SHROOM3: variants seen among roughly 807,000 people sequenced by gnomAD.
SHROOM3 encodes the protein protein Shroom3.
A neutral mutation model predicts 138.6 loss-of-function variants in SHROOM3; 47 were observed. The observed-to-expected ratio is 0.34, with a 90% CI of 0.27 to 0.43. The LOEUF (loss-of-function observed/expected upper bound fraction) is 0.43. SHROOM3 is among the 20% of genes least tolerant of loss of function. The probability of loss-of-function intolerance (pLI) is 1.00; values close to 1 mark genes in which losing one functional copy is unlikely to be tolerated. For missense variants in SHROOM3, 2,491 were observed against 2,596.5 expected (o/e 0.96, Z 0.88); for synonymous variants, 1,062 against 1,063.3 (o/e 1.00, Z 0.02).
chr4:76,579,000 AC>A (rs1733990193), intron 2 of SHROOM3, among the ~76,000 whole-genome samples: 1 of 152,120 alleles, frequency 6.6e-6, no homozygotes, highest in Non-Finnish European at 1.5e-5. Context: ...CCCTGACTTT[AC>A]AAAAAATTTT....
At chr4:76,519,539 C>T (rs1245285071) in intron 1 of SHROOM3, among the ~76,000 whole-genome samples, 1 of 152,162 alleles carries the variant, frequency 6.6e-6, no homozygotes, top group Non-Finnish European at 1.5e-5. Flanking sequence ...CAGTTGGTCT[C>T]ATTTCCCCCC....
chr4:76,759,720 G>T, intron 9 of SHROOM3, 25 bp downstream of exon 9: 1 of 1,608,224 alleles, frequency 6.2e-7, no homozygotes, highest in Non-Finnish European at 8.5e-7. Context: ...GGATGCCCTT[G>T]TTCAGCTTTC....
chr4:76,781,916 T>C lies in SHROOM3; in HGVS notation c.*2739T>C, dbSNP rs1255242094. On this transcript the variant is annotated 3_prime_UTR_variant, in exon 11 of 11. Coordinates refer to ENST00000296043, the MANE Select transcript of SHROOM3 (RefSeq NM_020859.4). ...GAGAATGTTTGCTCACAGTCAATAA[T>C]TGTCTTTGTGGATGTGATAATTTTG... 1 of 152,188 alleles carries C rather than the reference T, an allele frequency of 6.6e-6. No individual in the cohort carries two copies. Among genetic ancestry groups the C allele is most frequent in the East Asian group, 1.9e-4 (1 of 5,196 alleles). The allele number at this position is 152,188 out of a possible 1,614,324, so 9.4% of individuals were successfully genotyped here.
chr4:76,524,521 G>A (rs992327247), intron 1 of SHROOM3, among the ~76,000 whole-genome samples: 7 of 152,322 alleles, frequency 4.6e-5, no homozygotes, highest in Middle Eastern at 6.8e-3. Context: ...GTCTTGGTTC[G>A]AATGTTATCG....
At chr4:76,757,713 C>T (rs1379334493) in intron 8 of SHROOM3, among the ~76,000 whole-genome samples, 1 of 152,198 alleles carries the variant, frequency 6.6e-6, no homozygotes, top group Non-Finnish European at 1.5e-5. Flanking sequence ...GCTCCTTGAG[C>T]CAGCCATGTA....
At chr4:76,479,096 C>T (rs183666696) in intron 1 of SHROOM3, among the ~76,000 whole-genome samples, 13 of 152,130 alleles carry the variant, frequency 8.5e-5, no homozygotes, top group African/African-American at 2.6e-4. Context: ...CACAACTCCT[C>T]GCCAACAAGG....
At chr4:76,458,205 G>A (rs1219092455) in intron 1 of SHROOM3, among the ~76,000 whole-genome samples, 1 of 152,170 alleles carries the variant, frequency 6.6e-6, no homozygotes, top group Non-Finnish European at 1.5e-5. Context: ...ATATATTTTT[G>A]AGTAAGAGAA....
intron 1 of SHROOM3, among the ~76,000 whole-genome samples, chr4:76,483,566 A>G (rs1186976915): frequency 6.6e-6 from 1 of 152,242 alleles, no homozygotes; most frequent in Non-Finnish European, 1.5e-5. Context: ...AAATTAGTTC[A>G]ACCATTTTAG....
At chr4:76,492,260 A>G (rs993473961) in intron 1 of SHROOM3, among the ~76,000 whole-genome samples, 4 of 152,196 alleles carry the variant, frequency 2.6e-5, no homozygotes, top group Non-Finnish European at 5.9e-5. Flanking sequence ...GCTGCCAGGA[A>G]GGCATGTTTA....
At chr4:76,632,903 A>G (rs756449588) in intron 2 of SHROOM3, among the ~76,000 whole-genome samples, 1 of 152,162 alleles carries the variant, frequency 6.6e-6, no homozygotes, top group Non-Finnish European at 1.5e-5. Context: ...TACCCCTCAA[A>G]TAGAACAAAA....
intron 9 of SHROOM3, among the ~76,000 whole-genome samples, chr4:76,763,243 C>G (rs1012330809): frequency 6.6e-6 from 1 of 151,946 alleles, no homozygotes; most frequent in African/African-American, 2.4e-5. Context: ...AAAAATTAGC[C>G]AGGTGTGTTG....
intron 2 of SHROOM3, among the ~76,000 whole-genome samples, chr4:76,614,914 G>C (rs1188478144): frequency 6.6e-6 from 1 of 152,210 alleles, no homozygotes; most frequent in East Asian, 1.9e-4. Context: ...ATGGGACTAT[G>C]AATGAGTCCA....
intron 2 of SHROOM3, among the ~76,000 whole-genome samples, chr4:76,704,015 A>G (rs957724493): frequency 6.6e-6 from 1 of 152,204 alleles, no homozygotes; most frequent in East Asian, 1.9e-4. Context: ...CGCTAATGAG[A>G]TGGATCAAAA....
At chr4:76,498,868 A>G (rs1262862602) in intron 1 of SHROOM3, among the ~76,000 whole-genome samples, 1 of 152,158 alleles carries the variant, frequency 6.6e-6, no homozygotes, top group African/African-American at 2.4e-5. Flanking sequence ...GAAATTAAAG[A>G]AGGGGAAATT....
At chr4:76,630,912 A>G (rs1232235065) in intron 2 of SHROOM3, among the ~76,000 whole-genome samples, 2 of 152,220 alleles carry the variant, frequency 1.3e-5, no homozygotes, top group Non-Finnish European at 2.9e-5. Flanking sequence ...ATGGGTCATT[A>G]TGTATAATTT....
At chr4:76,490,545 G>T (rs552848174) in intron 1 of SHROOM3, among the ~76,000 whole-genome samples, 3 of 151,964 alleles carry the variant, frequency 2.0e-5, no homozygotes, top group Non-Finnish European at 4.4e-5. Flanking sequence ...GTGAGCCACC[G>T]CACCCGGCTG....
chr4:76,491,310 T>C (rs186763388), intron 1 of SHROOM3, among the ~76,000 whole-genome samples: 2 of 152,280 alleles, frequency 1.3e-5, no homozygotes, highest in East Asian at 3.9e-4. Flanking sequence ...TTAAGCCAAT[T>C]TGGAAAGACT....
At chr4:76,609,356 C>T (rs146387633) in intron 2 of SHROOM3, among the ~76,000 whole-genome samples, 42 of 152,312 alleles carry the variant, frequency 2.8e-4, no homozygotes, top group Admixed American at 7.8e-4. Context: ...GATCACAGCT[C>T]ATTGTAACCT....
chr4:76,586,714 G>A (rs1449712607), intron 2 of SHROOM3, among the ~76,000 whole-genome samples: 2 of 152,126 alleles, frequency 1.3e-5, no homozygotes, highest in Admixed American at 6.5e-5. Context: ...TCAGGCAACG[G>A]GCACTTTTTC....
Sources: gnomAD v4.1 joint callset for allele counts (sites outside exome capture counted in the v4.1 genomes callset) on GRCh38, gnomAD v4.1.1 for gene constraint, MANE v1.5 for transcripts, NCBI Gene and HGNC (gene_info 2026-07-23, HGNC 2026-07-21) for gene names.